ARB2A: variants seen among roughly 807,000 people sequenced by gnomAD.
ARB2A encodes the protein ARB2 cotranscriptional regulator A.
At chr5:93,782,056 T>G in the ARB2A span, 1 of 325,634 alleles carries the variant, frequency 3.1e-6, no homozygotes, top group Non-Finnish European at 4.4e-6. Flanking sequence ...TAATCTTCTC[T>G]ACAAGAGGTC....
chr5:94,103,988 C>A, the ARB2A span, among the ~76,000 whole-genome samples: 1 of 151,586 alleles, frequency 6.6e-6, no homozygotes, highest in Non-Finnish European at 1.5e-5. Context: ...ATACCAGATT[C>A]TCTGAGACAG....
chr5:93,911,974 G>C, the ARB2A span, among the ~76,000 whole-genome samples: 1 of 151,558 alleles, frequency 6.6e-6, no homozygotes, highest in African/African-American at 2.4e-5. Flanking sequence ...AGTTGACACA[G>C]AACAAATAAT....
chr5:94,001,682 C>G, the ARB2A span, among the ~76,000 whole-genome samples: 1 of 151,970 alleles, frequency 6.6e-6, no homozygotes, highest in African/African-American at 2.4e-5. Flanking sequence ...GAATTTCCAT[C>G]TTTTTGCTTA....
chr5:93,822,332 C>T, the ARB2A span, among the ~76,000 whole-genome samples: 3 of 152,148 alleles, frequency 2.0e-5, no homozygotes, highest in South Asian at 2.1e-4. Flanking sequence ...ACAAGCAGGA[C>T]GGGCAAAATA....
chr5:93,879,671 A>G, the ARB2A span, among the ~76,000 whole-genome samples: 1 of 151,916 alleles, frequency 6.6e-6, no homozygotes, highest in Non-Finnish European at 1.5e-5. Context: ...AAAGAGAACA[A>G]AAGAAAAAAA....
the ARB2A span, among the ~76,000 whole-genome samples, chr5:94,065,961 T>C: frequency 5.9e-5 from 9 of 152,148 alleles, no homozygotes; most frequent in African/African-American, 9.7e-5. Flanking sequence ...TTCTCCAGGA[T>C]AGACCATATG....
the ARB2A span, among the ~76,000 whole-genome samples, chr5:93,931,930 T>C: frequency 1.3e-4 from 20 of 152,200 alleles, no homozygotes; most frequent in Non-Finnish European, 2.8e-4. Context: ...ATTTGGAAGG[T>C]TCATCCATAT....
the ARB2A span, among the ~76,000 whole-genome samples, chr5:94,081,366 A>G: frequency 6.6e-6 from 1 of 152,206 alleles, no homozygotes; most frequent in African/African-American, 2.4e-5. Flanking sequence ...ATGAAAATAC[A>G]TGTCCCCACC....
chr5:93,815,755 T>C, the ARB2A span, among the ~76,000 whole-genome samples: 7 of 152,140 alleles, frequency 4.6e-5, no homozygotes, highest in East Asian at 3.9e-4. Context: ...TGAAGGAAAA[T>C]AGGCACTCTT....
the ARB2A span, among the ~76,000 whole-genome samples, chr5:94,013,689 G>A: frequency 6.6e-6 from 1 of 151,964 alleles, no homozygotes; most frequent in African/African-American, 2.4e-5. Flanking sequence ...GGAAAAAAGG[G>A]AAAAGAGACA....
At chr5:94,084,388 G>T in the ARB2A span, among the ~76,000 whole-genome samples, 1 of 151,592 alleles carries the variant, frequency 6.6e-6, no homozygotes, top group African/African-American at 2.4e-5. Flanking sequence ...AAATGCTACT[G>T]AAATACATTA....
the ARB2A span, among the ~76,000 whole-genome samples, chr5:93,845,798 T>C: frequency 6.6e-6 from 1 of 152,160 alleles, no homozygotes; most frequent in Non-Finnish European, 1.5e-5. Flanking sequence ...TTCCAGACAG[T>C]TCAATCTAGA....
chr5:94,010,487 CT>C, the ARB2A span, among the ~76,000 whole-genome samples: 1 of 152,014 alleles, frequency 6.6e-6, no homozygotes, highest in Non-Finnish European at 1.5e-5. Flanking sequence ...GAGAACTTTT[CT>C]TTCTGAATCT....
At chr5:94,037,398 T>G in the ARB2A span, among the ~76,000 whole-genome samples, 2 of 152,186 alleles carry the variant, frequency 1.3e-5, no homozygotes, top group East Asian at 3.9e-4. Context: ...TCAGTAATAA[T>G]AAGTAGACAG....
the ARB2A span, among the ~76,000 whole-genome samples, chr5:93,783,222 C>T: frequency 1.3e-5 from 2 of 152,056 alleles, no homozygotes; most frequent in African/African-American, 4.8e-5. Context: ...ATTAACCTTA[C>T]TATTTATATA....
chr5:94,040,617 C>T, the ARB2A span, among the ~76,000 whole-genome samples: 12 of 151,528 alleles, frequency 7.9e-5, no homozygotes, highest in African/African-American at 2.9e-4. Flanking sequence ...TGGTTTTGTC[C>T]TTGCAATAGT....
At chr5:93,868,079 G>A in the ARB2A span, among the ~76,000 whole-genome samples, 2 of 152,278 alleles carry the variant, frequency 1.3e-5, no homozygotes, top group Admixed American at 6.5e-5. Context: ...CAGCCCTTTG[G>A]GATGCCAAGG....
chr5:93,929,073 T>C, the ARB2A span, among the ~76,000 whole-genome samples: 2 of 152,118 alleles, frequency 1.3e-5, no homozygotes, highest in Admixed American at 6.6e-5. Flanking sequence ...TTGTAATGTA[T>C]TCCTATGTTA....
the ARB2A span, among the ~76,000 whole-genome samples, chr5:94,076,172 C>T: frequency 5.9e-5 from 9 of 152,020 alleles, no homozygotes; most frequent in African/African-American, 1.9e-4. Context: ...TCTTCATTTA[C>T]GAAATGTCGC....
Sources: allele counts gnomAD v4.1 joint callset (sites outside exome capture counted in the v4.1 genomes callset), GRCh38; gene constraint gnomAD v4.1.1; transcripts MANE v1.5; gene names NCBI Gene and HGNC (gene_info 2026-07-23, HGNC 2026-07-21).